Variants in EPG5 observed in about 807,000 individuals in gnomAD.
EPG5 encodes the protein ectopic P-granules 5 autophagy tethering factor.
Under a neutral mutation model 302.7 loss-of-function variants are expected in EPG5, and 159 were observed. That is an observed-to-expected ratio of 0.53 (90% CI 0.46 to 0.60). The LOEUF (loss-of-function observed/expected upper bound fraction) is 0.60. EPG5 is among the 20% of genes least tolerant of loss of function. The pLI is 0.00. For missense variants in EPG5, 2,896 were observed against 3,092.4 expected (o/e 0.94, Z 1.51); for synonymous variants, 1,158 against 1,136.8 (o/e 1.02, Z -0.37).
the EPG5 span, among the ~76,000 whole-genome samples, chr18:45,824,738 T>C: frequency 3.9e-5 from 6 of 152,110 alleles, no homozygotes; most frequent in East Asian, 1.9e-4. Flanking sequence ...TGCACATTTC[T>C]AGCTCAGCTT....
At chr18:45,879,358 A>C in intron 32 of EPG5, 144 bp from the exon 33 acceptor site, 1 of 626,462 alleles carries the variant, frequency 1.6e-6, no homozygotes, top group South Asian at 2.1e-5. Flanking sequence ...GAAATAAATC[A>C]ATGGTTTTTT....
At chr18:45,908,513 C>G (rs1176117403) in intron 23 of EPG5, among the ~76,000 whole-genome samples, 2 of 152,062 alleles carry the variant, frequency 1.3e-5, no homozygotes, top group Admixed American at 6.5e-5. Context: ...ATATTAAGAG[C>G]TATTTTAAAC....
intron 16 of EPG5, 103 bp downstream of exon 16, chr18:45,922,238 G>A (rs553941706): frequency 7.0e-4 from 1,007 of 1,431,326 alleles, no homozygotes; most frequent in Non-Finnish European, 7.6e-4. Flanking sequence ...CAATTGCTCC[G>A]CAATAGGTTT....
At chr18:45,951,531 T>G (rs1399397174) in intron 3 of EPG5, among the ~76,000 whole-genome samples, 1 of 151,906 alleles carries the variant, frequency 6.6e-6, no homozygotes, top group Non-Finnish European at 1.5e-5. Flanking sequence ...CAATCTTGAC[T>G]CACTGCAACC....
chr18:45,908,817 T>C (rs2049821468), intron 23 of EPG5, among the ~76,000 whole-genome samples: 1 of 151,904 alleles, frequency 6.6e-6, no homozygotes, highest in Non-Finnish European at 1.5e-5. Flanking sequence ...GGTGTGGTGG[T>C]GCACACCTGT....
At chr18:45,949,725 T>C in intron 4 of EPG5, 134 bp from the exon 5 acceptor site, 1 of 540,628 alleles carries the variant, frequency 1.8e-6, no homozygotes, top group Non-Finnish European at 3.3e-6. Context: ...CAAGATATAC[T>C]ATTCACTGAT....
intron 24 of EPG5, among the ~76,000 whole-genome samples, chr18:45,905,405 C>T (rs545770096): frequency 6.6e-6 from 1 of 152,264 alleles, no homozygotes; most frequent in East Asian, 1.9e-4. Flanking sequence ...CCAAACCAAC[C>T]TCACAGTCCA....
chr18:45,891,922 T>G (rs2049360361), intron 27 of EPG5, among the ~76,000 whole-genome samples: 2 of 152,224 alleles, frequency 1.3e-5, no homozygotes. Context: ...TCAGCCTTTT[T>G]GTTCAATACA....
chr18:45,922,909 G>A (rs956291176), intron 15 of EPG5, among the ~76,000 whole-genome samples: 3 of 152,166 alleles, frequency 2.0e-5, no homozygotes, highest in African/African-American at 4.8e-5. Context: ...CATATATAGC[G>A]CTTGTCAATT....
At chr18:45,868,285 C>T (rs942555217) in intron 36 of EPG5, among the ~76,000 whole-genome samples, 2 of 151,494 alleles carry the variant, frequency 1.3e-5, no homozygotes, top group Non-Finnish European at 2.9e-5. Context: ...GACCACACTA[C>T]TTTGAGATCC....
At position 45,858,681 on chromosome 18, in the gene EPG5, T is replaced by C. The variant is rs1359845502; in HGVS notation, c.7111A>G (p.Ser2371Gly). 6.2e-7 allele frequency: 1 copy of C among 1,614,142 alleles called. No homozygotes were observed. Among genetic ancestry groups the C allele is most frequent in the South Asian group, 1.1e-5 (1 of 91,084 alleles). ...AAGTAGACGTAAAGAGTCAAGTAAC[T>C]GCCCAAGGTGAGGCACTCCTGCAGG... Reference protein sequence around the residue: ...EFLQECLTLGSYLTLYVYLLQ... With the variant: ...EFLQECLTLGGYLTLYVYLLQ... The change falls in exon 41 of 44, where the codon AGT becomes GGT. Residue 2371 changes from serine (S) to glycine (G), a missense_variant. Transcript: ENST00000282041.
chr18:45,907,883 TATGA>T, intron 24 of EPG5, 71 bp downstream of exon 24: 1 of 1,373,794 alleles, frequency 7.3e-7, no homozygotes, highest in South Asian at 1.5e-5. Flanking sequence ...ATTGTTTTAT[TATGA>T]ATATGACCAG....
At chr18:45,813,626 A>G in the EPG5 span, among the ~76,000 whole-genome samples, 1 of 152,140 alleles carries the variant, frequency 6.6e-6, no homozygotes, top group Non-Finnish European at 1.5e-5. Flanking sequence ...GGACGTGGAT[A>G]AAGGTGGAAA....
intron 1 of EPG5, among the ~76,000 whole-genome samples, chr18:45,963,722 G>A (rs1318682599): frequency 6.6e-6 from 1 of 152,200 alleles, no homozygotes; most frequent in Non-Finnish European, 1.5e-5. Flanking sequence ...ATCATACAGA[G>A]CCCTTAGTCC....
At position 45,876,255 on chromosome 18, in the gene EPG5, T is replaced by C; in HGVS notation, c.6030A>G (p.Ser2010=). 1 of 1,613,192 alleles carries C rather than the reference T, an allele frequency of 6.2e-7. No individual in the cohort carries two copies. The highest frequency in any genetic ancestry group is 1.3e-5 in the African/African-American group (1 of 75,010). The change falls in exon 35 of 44, where the codon TCA becomes TCG. Residue 2010 remains serine, a synonymous_variant. Transcript: ENST00000282041. ...TCCTACCTTTAAAACTCTCATGCAGTGAGTCAATACAGTCAGTGAACAGCT... is the reference window on the plus strand; with the variant it reads ...TCCTACCTTTAAAACTCTCATGCAGCGAGTCAATACAGTCAGTGAACAGCT... The part of the protein sequence containing the change: ...IVQLFTDCID[S]LHESFKDKLL...
intron 14 of EPG5, among the ~76,000 whole-genome samples, chr18:45,924,780 C>T (rs1032885251): frequency 2.0e-5 from 3 of 152,210 alleles, no homozygotes; most frequent in South Asian, 4.1e-4. Flanking sequence ...CAACTCTATG[C>T]GCAGTGGCAC....
In EPG5 at chr18:45,953,453, A is replaced by G. The variant is rs2050956007; in HGVS notation, c.1009-810T>C. 7 of 985,284 alleles carry G rather than the reference A, an allele frequency of 7.1e-6. No homozygotes were observed. The South Asian group carries it at 3.3e-4, about 46-fold the overall frequency. The allele number at this position is 985,284 out of a possible 1,614,324, so 61.0% of individuals were successfully genotyped here. On this transcript the variant is annotated intron_variant, in intron 2 of 43. Transcript: ENST00000282041. ...TTCCCTCCTTACTATGTACAGAGAT[A>G]TACAGGTCTGCCAATGAATGAGGAT...
chr18:45,950,339 G>A (rs1165099769), intron 4 of EPG5, among the ~76,000 whole-genome samples: 2 of 152,066 alleles, frequency 1.3e-5, no homozygotes, highest in Non-Finnish European at 2.9e-5. Context: ...TCTCCATTGT[G>A]GGAGAGACCC....
intron 2 of EPG5, among the ~76,000 whole-genome samples, chr18:45,953,028 C>T (rs2050945722): frequency 6.6e-6 from 1 of 152,100 alleles, no homozygotes; most frequent in African/African-American, 2.4e-5. Flanking sequence ...TAAAAATTAG[C>T]TGGGCATGGT....
Sources: gnomAD v4.1 joint callset for allele counts (sites outside exome capture counted in the v4.1 genomes callset) on GRCh38, gnomAD v4.1.1 for gene constraint, MANE v1.5 for transcripts, NCBI Gene and HGNC (gene_info 2026-07-23, HGNC 2026-07-21) for gene names.